The following SLC4A4 variants were observed in gnomAD, a reference collection of about 807,000 sequenced individuals.
The protein encoded by SLC4A4 is solute carrier family 4 member 4, also known as electrogenic sodium bicarbonate cotransporter 1.
In SLC4A4, 27 loss-of-function variants were observed where a neutral mutation model predicts 111.5. The ratio of observed to expected loss-of-function variants is 0.24; its 90% CI spans 0.18 to 0.33. SLC4A4 has a LOEUF of 0.33. Among genes scored for constraint, SLC4A4 ranks in the 10% least tolerant of loss-of-function variants. The pLI is 1.00. For missense variants in SLC4A4, 909 were observed against 1,315.5 expected (o/e 0.69, Z 4.78); for synonymous variants, 443 against 463.4 (o/e 0.96, Z 0.57).
chr4:71,193,494 A>T (rs953557261), intron 1 of SLC4A4, among the ~76,000 whole-genome samples: 1 of 152,116 alleles, frequency 6.6e-6, no homozygotes, highest in African/African-American at 2.4e-5. Flanking sequence ...TTCCCAGTTT[A>T]ATTGATGGGA....
Position 71,154,057 on chromosome 4 carries a change from T to A in SLC4A4, c.-2+61265T>A, listed in dbSNP as rs1182534780. Among the ~76,000 whole-genome samples, 6 of 152,278 alleles carry A rather than the reference T, an allele frequency of 3.9e-5. No homozygotes were observed. The South Asian group carries it at 1.2e-3, about 32-fold the overall frequency. ...TATGCGGATTTGGAGTAGATTATGA[T>A]TGGGGAGTTCCTTTCAGGAGAGGTG... On this transcript the variant is annotated intron_variant, in intron 2 of 26. Coordinates refer to the SLC4A4 transcript ENST00000649996.
At chr4:71,275,460 A>T (rs1303584255) in intron 3 of SLC4A4, among the ~76,000 whole-genome samples, 2 of 152,196 alleles carry the variant, frequency 1.3e-5, no homozygotes, top group Non-Finnish European at 2.9e-5. Context: ...ATCATAATTT[A>T]CCTTAAAATA....
chr4:71,314,954 G>C (rs1726557973), intron 3 of SLC4A4, among the ~76,000 whole-genome samples: 1 of 152,008 alleles, frequency 6.6e-6, no homozygotes, highest in Admixed American at 6.6e-5. Context: ...AACAGTTTGT[G>C]AATTTATCAA....
In SLC4A4 at chr4:71,244,108, A is replaced by G. The variant is rs545962095; in HGVS notation, c.73+7459A>G. ...AAATTTGATTCCTACTGAAAAATAA[A>G]GAAAATGTCTTCAAGGTAGAATGAA... On this transcript the variant is annotated intron_variant, in intron 2 of 25. Coordinates refer to ENST00000264485, the MANE Select transcript of SLC4A4 (RefSeq NM_001098484.3). Among the ~76,000 whole-genome samples the G allele has an allele frequency of 4.6e-5, 7 of 152,336 alleles. No individual in the cohort carries two copies. In the South Asian group the frequency reaches 1.2e-3, roughly 27 times the overall value.
intron 7 of SLC4A4, among the ~76,000 whole-genome samples, chr4:71,413,514 G>A (rs183963583): frequency 6.6e-6 from 1 of 152,320 alleles, no homozygotes; most frequent in East Asian, 1.9e-4. Context: ...TAGTTTTACA[G>A]TCTGATTTTT....
intron 12 of SLC4A4, among the ~76,000 whole-genome samples, chr4:71,456,533 T>C (rs998697045): frequency 1.3e-5 from 2 of 152,180 alleles, no homozygotes; most frequent in Non-Finnish European, 2.9e-5. Context: ...AGAAGTCTTC[T>C]TGACCTGGGA....
chr4:71,445,198 T>A (rs1307608130), intron 8 of SLC4A4, among the ~76,000 whole-genome samples: 1 of 152,176 alleles, frequency 6.6e-6, no homozygotes, highest in Non-Finnish European at 1.5e-5. Context: ...GTAAATATTT[T>A]ATAGAAAATG....
intron 14 of SLC4A4, among the ~76,000 whole-genome samples, chr4:71,483,847 C>A (rs952659913): frequency 7.2e-5 from 11 of 151,886 alleles, no homozygotes; most frequent in African/African-American, 2.4e-4. Context: ...TATTTTTTGA[C>A]ATTTTAGTAA....
chr4:71,125,063 C>A (rs1743524985), intron 2 of SLC4A4, among the ~76,000 whole-genome samples: 1 of 151,812 alleles, frequency 6.6e-6, no homozygotes, highest in Non-Finnish European at 1.5e-5. Flanking sequence ...ATTGGTACTG[C>A]ATTTTTTTTG....
chr4:71,226,896 A>G (rs1719083255), intron 1 of SLC4A4, among the ~76,000 whole-genome samples: 1 of 151,930 alleles, frequency 6.6e-6, no homozygotes, highest in South Asian at 2.1e-4. Context: ...GTCACTACAC[A>G]TAGTTAGTAG....
At chr4:71,183,930 A>G (rs1424270584), upstream of SLC4A4, among the ~76,000 whole-genome samples, 16 of 152,216 alleles carry the variant, frequency 1.1e-4, no homozygotes, top group Admixed American at 9.2e-4. Context: ...TGAAATGCCT[A>G]TGAATGTTAT....
chr4:71,245,571 G>T (rs1234950781), intron 2 of SLC4A4, among the ~76,000 whole-genome samples: 2 of 152,118 alleles, frequency 1.3e-5, no homozygotes, highest in African/African-American at 4.8e-5. Flanking sequence ...GGGGAACAGT[G>T]GAGGAAGAGT....
At chr4:71,547,311 A>C (rs1464332791) in intron 19 of SLC4A4, among the ~76,000 whole-genome samples, 3 of 152,058 alleles carry the variant, frequency 2.0e-5, no homozygotes, top group Middle Eastern at 6.8e-3. Flanking sequence ...CAAGAGGATA[A>C]ATTGCTTTAA....
chr4:71,545,215 T>G (rs565972675), intron 18 of SLC4A4, among the ~76,000 whole-genome samples: 1 of 152,132 alleles, frequency 6.6e-6, no homozygotes, highest in South Asian at 2.1e-4. Flanking sequence ...CCCTTGCCTG[T>G]GATGAGTTCT....
At chr4:71,307,182 A>C (rs143818810) in intron 3 of SLC4A4, among the ~76,000 whole-genome samples, 143 of 152,334 alleles carry the variant, frequency 9.4e-4, no homozygotes, top group African/African-American at 3.2e-3. Context: ...ATATGTGCTT[A>C]ATGCTGCCTT....
intron 7 of SLC4A4, among the ~76,000 whole-genome samples, chr4:71,419,078 C>T (rs907419585): frequency 2.0e-5 from 3 of 152,274 alleles, no homozygotes; most frequent in East Asian, 3.9e-4. Flanking sequence ...AGTACCCGGC[C>T]GTGTGAAGTG....
intron 1 of SLC4A4, among the ~76,000 whole-genome samples, chr4:71,080,153 C>T (rs1487777442): frequency 1.3e-5 from 2 of 152,098 alleles, no homozygotes; most frequent in African/African-American, 4.8e-5. Flanking sequence ...ACCTTGACAG[C>T]AGGAGTGCAG....
chr4:71,144,820 T>C (rs1744118201), intron 2 of SLC4A4, among the ~76,000 whole-genome samples: 1 of 152,242 alleles, frequency 6.6e-6, no homozygotes, highest in Non-Finnish European at 1.5e-5. Flanking sequence ...TTTGCTGAAG[T>C]TGCTTATCAG....
intron 12 of SLC4A4, 135 bp downstream of exon 12, chr4:71,453,804 C>T (rs1235325419): frequency 4.9e-6 from 4 of 814,242 alleles, no homozygotes; most frequent in Non-Finnish European, 8.3e-6. Flanking sequence ...CTGCATTTTA[C>T]TTTGCTTCTG....
Sources: allele counts gnomAD v4.1 joint callset (sites outside exome capture counted in the v4.1 genomes callset), GRCh38; gene constraint gnomAD v4.1.1; transcripts MANE v1.5; gene names NCBI Gene and HGNC (gene_info 2026-07-23, HGNC 2026-07-21).